Variants in MAP3K4 observed in about 807,000 individuals in gnomAD.
MAP3K4 encodes MAP three kinase 1.
Under a neutral mutation model 185.6 loss-of-function variants are expected in MAP3K4, and 67 were observed. The ratio of observed to expected loss-of-function variants is 0.36; its 90% confidence interval spans 0.30 to 0.44. The LOEUF is 0.44. Among genes scored for constraint, MAP3K4 ranks in the 20% least tolerant of loss-of-function variants. The pLI is 1.00. For missense variants in MAP3K4, 1,551 were observed against 1,995.1 expected (o/e 0.78, Z 4.24); for synonymous variants, 702 against 710.4 (o/e 0.99, Z 0.19).
intron 1 of MAP3K4, among the ~76,000 whole-genome samples, chr6:160,994,771 G>C (rs1349900389): frequency 6.6e-6 from 1 of 152,120 alleles, no homozygotes; most frequent in African/African-American, 2.4e-5. Flanking sequence ...CGTGATCTCA[G>C]CTCGCTGCAA....
At chr6:161,028,672 A>G (rs1373001148) in intron 1 of MAP3K4, among the ~76,000 whole-genome samples, 1 of 151,882 alleles carries the variant, frequency 6.6e-6, no homozygotes, top group African/African-American at 2.4e-5. Context: ...TTTTTTTTAA[A>G]TCTACATTTG....
rs1778512665 is a variant in MAP3K4, at chr6:161,114,661, A to G, written c.4627-462A>G. Among the ~76,000 whole-genome samples the G allele has an allele frequency of 6.6e-6, 1 of 152,264 alleles. No homozygotes were observed. The highest frequency in any genetic ancestry group is 1.5e-5 in the Non-Finnish European group (1 of 68,036). Reference sequence around the variant, plus strand: ...TGTGAATCTCATTTTTCATAGGATCATAATGAAATAAGCTTTGCACTAATG... The same window carrying G: ...TGTGAATCTCATTTTTCATAGGATCGTAATGAAATAAGCTTTGCACTAATG... On this transcript the variant is annotated intron_variant, in intron 25 of 26. Coordinates refer to ENST00000392142, the MANE Select transcript of MAP3K4 (RefSeq NM_005922.4). The surrounding 1 kb of genome is among the most constrained non-coding windows in gnomAD (Gnocchi z 4.3).
At chr6:161,004,895 T>A (rs1028007665) in intron 1 of MAP3K4, among the ~76,000 whole-genome samples, 3 of 152,154 alleles carry the variant, frequency 2.0e-5, no homozygotes, top group Admixed American at 2.0e-4. Flanking sequence ...ACTTTTACAG[T>A]CTATTAAGAG....
At chr6:161,021,091 T>C (rs1209703860) in intron 1 of MAP3K4, among the ~76,000 whole-genome samples, 1 of 152,224 alleles carries the variant, frequency 6.6e-6, no homozygotes, top group Non-Finnish European at 1.5e-5. Context: ...ATAGTTTTCA[T>C]GAGACAAACC....
intron 1 of MAP3K4, among the ~76,000 whole-genome samples, chr6:161,031,115 A>G (rs1038402420): frequency 3.3e-5 from 5 of 152,236 alleles, no homozygotes; most frequent in African/African-American, 1.2e-4. Context: ...TGCTAGAATA[A>G]TTAGATAATT....
Position 161,115,224 on chromosome 6 carries a change from C to T in MAP3K4, c.4728C>T (p.Asp1576=), listed in dbSNP as rs1778539582. 1.2e-6 allele frequency: 2 copies of T among 1,613,966 alleles called. No homozygotes were observed. The highest frequency in any genetic ancestry group is 4.5e-5 in the East Asian group (2 of 44,886). The change falls in exon 26 of 27, where the codon GAC becomes GAT. Residue 1576 remains aspartate (D), a synonymous_variant. Coordinates refer to ENST00000392142, the MANE Select transcript of MAP3K4 (RefSeq NM_005922.4). This position sits in a 1 kb window ranked among gnomAD's most constrained non-coding sequence, Gnocchi z 6.0. ...IPERLSPEGK[D]FLSHCLESDP... ...AAAGATTAAGCCCTGAAGGAAAGGA[C>T]TTCCTTTCTCACTGCCTTGAGAGTG...
chr6:161,012,443 T>C lies in MAP3K4; in HGVS notation c.152+20360T>C, dbSNP rs553577632. Among the ~76,000 whole-genome samples the C allele has an allele frequency of 2.6e-5, 4 of 152,264 alleles. No individual in the cohort carries two copies. In the East Asian group the frequency reaches 7.7e-4, roughly 29 times the overall value. ...TGCCTTCAGAGAATTTATAAGCTAG[T>C]TGGAAAAGATGTAAGGTAATAGAAA... On this transcript the variant is annotated intron_variant, in intron 1 of 26. Transcript: ENST00000392142.
chr6:161,003,675 T>C (rs996408608), intron 1 of MAP3K4, among the ~76,000 whole-genome samples: 1 of 152,162 alleles, frequency 6.6e-6, no homozygotes, highest in African/African-American at 2.4e-5. Context: ...CGAAAACCTA[T>C]CTGTAAATGA....
chr6:161,109,061 C>G lies in MAP3K4; in HGVS notation c.4236+202C>G, dbSNP rs1562547414. Reference sequence around the variant, plus strand: ...TAAAATGTAAGTTGTAGACTGTAGTCATTAACCCGACATCATAAAGCACTG... The same window carrying G: ...TAAAATGTAAGTTGTAGACTGTAGTGATTAACCCGACATCATAAAGCACTG... On this transcript the variant is annotated intron_variant, in intron 22 of 26. Coordinates refer to ENST00000392142, the MANE Select transcript of MAP3K4 (RefSeq NM_005922.4). This position sits in a 1 kb window ranked among gnomAD's most constrained non-coding sequence, Gnocchi z 5.7. The G allele has an allele frequency of 6.9e-7, 1 of 1,459,812 alleles. No homozygotes were observed. The highest frequency in any genetic ancestry group is 9.3e-7 in the Non-Finnish European group (1 of 1,078,956). 90.4% of individuals were successfully genotyped at this position (1,459,812 alleles called of 1,614,324 possible). A position where few individuals can be genotyped will look rare whatever the true frequency, so the allele number is the denominator to read the frequency against.
Position 161,073,215 on chromosome 6 carries a change from T to G in MAP3K4, c.1951-251T>G. On this transcript the variant is annotated intron_variant, in intron 4 of 26. Coordinates refer to ENST00000392142, the MANE Select transcript of MAP3K4 (RefSeq NM_005922.4). This position sits in a 1 kb window ranked among gnomAD's most constrained non-coding sequence, Gnocchi z 4.2. Reference sequence around the variant, plus strand: ...TTATTTTAGCAAAGCAGTAATTGCCTATATGGTATTTTCTCTGTGTATCCA... The same window carrying G: ...TTATTTTAGCAAAGCAGTAATTGCCGATATGGTATTTTCTCTGTGTATCCA... 1 of 320,390 alleles carries G rather than the reference T, an allele frequency of 3.1e-6. No individual in the cohort carries two copies. Among genetic ancestry groups the G allele is most frequent in the Non-Finnish European group, 5.6e-6 (1 of 178,310 alleles). 19.8% of individuals were successfully genotyped at this position (320,390 alleles called of 1,614,324 possible).
chr6:161,063,217 T>A lies in MAP3K4; in HGVS notation c.1708-7391T>A, dbSNP rs1027927978. Among the ~76,000 whole-genome samples the A allele has an allele frequency of 6.6e-6, 1 of 152,100 alleles. No individual in the cohort carries two copies. The highest frequency in any genetic ancestry group is 2.4e-5 in the African/African-American group (1 of 41,446). On this transcript the variant is annotated intron_variant, in intron 3 of 26. Coordinates refer to ENST00000392142, the MANE Select transcript of MAP3K4 (RefSeq NM_005922.4). This position sits in a 1 kb window ranked among gnomAD's most constrained non-coding sequence, Gnocchi z 5.4. ...TCTATCACTGAGGTTTTTTTTCTAATTCTAATTTTTGTCATTATTTTATAT... is the reference window on the plus strand; with the variant it reads ...TCTATCACTGAGGTTTTTTTTCTAAATCTAATTTTTGTCATTATTTTATAT...
chr6:161,053,676 C>CT lies in MAP3K4; in HGVS notation c.1707+3698dup, dbSNP rs1784104719. 6.6e-6 allele frequency among the ~76,000 whole-genome samples: 1 copy of CT among 150,876 alleles called. No individual in the cohort carries two copies. The highest frequency in any genetic ancestry group is 2.1e-4 in the South Asian group (1 of 4,778). ...GGAAGATCTCGGCTCACTGCAACCT[C>CT]TGTCTCCCGGGTTCAGGCAATTCTC... On this transcript the variant is annotated intron_variant, in intron 3 of 26. Coordinates refer to ENST00000392142, the MANE Select transcript of MAP3K4 (RefSeq NM_005922.4). The surrounding 1 kb of genome is among the most constrained non-coding windows in gnomAD (Gnocchi z 4.2).
rs1054096922 is a variant in MAP3K4, at chr6:161,096,204, T to G, written c.3428-876T>G. ...TCTCTCCATTTTTACTACTTCTGTC[T>G]CTCTTGTTTCCCCTTATTAATAGGA... On this transcript the variant is annotated intron_variant, in intron 15 of 26. Coordinates refer to ENST00000392142, the MANE Select transcript of MAP3K4 (RefSeq NM_005922.4). The surrounding 1 kb of genome is among the most constrained non-coding windows in gnomAD (Gnocchi z 4.9). Among the ~76,000 whole-genome samples the G allele has an allele frequency of 1.4e-4, 21 of 152,174 alleles. No homozygotes were observed. The highest frequency in any genetic ancestry group is 4.8e-4 in the African/African-American group (20 of 41,446).
rs1778601299 is a variant in MAP3K4, at chr6:161,116,658, C to A, written c.4807-192C>A. Among the ~76,000 whole-genome samples the A allele has an allele frequency of 6.6e-6, 1 of 152,206 alleles. No homozygotes were observed. Among genetic ancestry groups the A allele is most frequent in the African/African-American group, 2.4e-5 (1 of 41,448 alleles). On this transcript the variant is annotated intron_variant, in intron 26 of 26. Coordinates refer to ENST00000392142, the MANE Select transcript of MAP3K4 (RefSeq NM_005922.4). The surrounding 1 kb of genome is among the most constrained non-coding windows in gnomAD (Gnocchi z 6.2). ...ATGCTTTCATTAGTCAGTTCCCAGG[C>A]TTAACTTTAGAGCAGTAACTTACCT...
rs553645166 is a variant in MAP3K4 at position 161,056,503 on chromosome 6, C to A, written c.1707+6524C>A. 6.6e-6 allele frequency among the ~76,000 whole-genome samples: 1 copy of A among 152,140 alleles called. No homozygotes were observed. Among genetic ancestry groups the A allele is most frequent in the Admixed American group, 6.5e-5 (1 of 15,274 alleles). On this transcript the variant is annotated intron_variant, in intron 3 of 26. Coordinates refer to ENST00000392142, the MANE Select transcript of MAP3K4 (RefSeq NM_005922.4). The surrounding 1 kb of genome is among the most constrained non-coding windows in gnomAD (Gnocchi z 5.4). Reference sequence around the variant, plus strand: ...CTCTGATTCAGCACAAGGTTCATTCCGACTTTCCTCCCTTGCTTATCTGTA... The same window carrying A: ...CTCTGATTCAGCACAAGGTTCATTCAGACTTTCCTCCCTTGCTTATCTGTA...
rs1778586663 is a variant in MAP3K4 at position 161,116,201 on chromosome 6, G to T, written c.4807-649G>T. On this transcript the variant is annotated intron_variant, in intron 26 of 26. Transcript: ENST00000392142. This position sits in a 1 kb window ranked among gnomAD's most constrained non-coding sequence, Gnocchi z 6.2. Reference sequence around the variant, plus strand: ...GCCAGGGTAGGGAAAGAAGCAGCTGGGTGAGGGGTGGGTCGGGAGGTGGTG... The same window carrying T: ...GCCAGGGTAGGGAAAGAAGCAGCTGTGTGAGGGGTGGGTCGGGAGGTGGTG... Among the ~76,000 whole-genome samples, 1 of 152,012 alleles carries T rather than the reference G, an allele frequency of 6.6e-6. No homozygotes were observed. The highest frequency in any genetic ancestry group is 2.1e-4 in the South Asian group (1 of 4,816).
rs1346623888 is a variant in MAP3K4, at chr6:161,114,790, G to A, written c.4627-333G>A. ...TTTATATATTTTTTAGTTGCATGAT[G>A]ATGGCTTCTAGATACTGTTGGACTA... On this transcript the variant is annotated intron_variant, in intron 25 of 26. Coordinates refer to ENST00000392142, the MANE Select transcript of MAP3K4 (RefSeq NM_005922.4). The surrounding 1 kb of genome is among the most constrained non-coding windows in gnomAD (Gnocchi z 4.3). Among the ~76,000 whole-genome samples the A allele has an allele frequency of 6.6e-6, 1 of 152,034 alleles. No individual in the cohort carries two copies. The highest frequency in any genetic ancestry group is 1.9e-4 in the East Asian group (1 of 5,194).
intron 3 of MAP3K4, among the ~76,000 whole-genome samples, chr6:161,060,461 G>A (rs560634330): frequency 3.3e-5 from 5 of 152,128 alleles, no homozygotes; most frequent in South Asian, 2.1e-4. Context: ...TAATGTTCAC[G>A]TCCCATCTTT....
Position 161,043,762 on chromosome 6 carries a change from C to CT in MAP3K4, c.344-4853dup, listed in dbSNP as rs1211369274. ...TTGAGAAGCTTGAGCTAGATGATCT[C>CT]TAAGTCCCTTCAGGTTGCTGACTTG... On this transcript the variant is annotated intron_variant, in intron 2 of 26. Transcript: ENST00000392142. This position sits in a 1 kb window ranked among gnomAD's most constrained non-coding sequence, Gnocchi z 4.3. Among the ~76,000 whole-genome samples the CT allele has an allele frequency of 6.6e-6, 1 of 152,184 alleles. No homozygotes were observed. The highest frequency in any genetic ancestry group is 1.5e-5 in the Non-Finnish European group (1 of 68,022).
Sources: gnomAD v4.1 joint callset for allele counts (sites outside exome capture counted in the v4.1 genomes callset) on GRCh38, gnomAD v4.1.1 for gene constraint, Gnocchi (gnomAD v3.1) non-coding constraint, MANE v1.5 for transcripts, NCBI Gene and HGNC (gene_info 2026-07-23, HGNC 2026-07-21) for gene names.